Variants in SGCZ observed in about 807,000 individuals in gnomAD.
The protein encoded by SGCZ is zeta-sarcoglycan.
Under a neutral mutation model 41.3 loss-of-function variants are expected in SGCZ, and 40 were observed. The observed-to-expected ratio is 0.97, with a 90% CI of 0.75 to 1.26. The LOEUF is 1.26. Ranked by LOEUF, SGCZ falls within the 50% of genes most tolerant of loss-of-function variation. The pLI is 0.00. For missense variants in SGCZ, 552 were observed against 369.8 expected, an observed-to-expected ratio of 1.49 and a Z score of -4.04; for synonymous variants, 206 against 137.5, an observed-to-expected ratio of 1.50 and a Z score of -3.49.
intron 2 of SGCZ, among the ~76,000 whole-genome samples, chr8:14,334,503 A>T (rs1802443167): frequency 6.6e-6 from 1 of 152,072 alleles, no homozygotes; most frequent in Admixed American, 6.5e-5. Flanking sequence ...TGTTACATTT[A>T]TTGTATTATG....
intron 1 of SGCZ, among the ~76,000 whole-genome samples, chr8:15,230,820 T>C (rs896098347): frequency 1.3e-5 from 2 of 152,168 alleles, no homozygotes; most frequent in Non-Finnish European, 2.9e-5. Context: ...TCGAAGACAT[T>C]GGACAAATTC....
chr8:14,804,142 A>C (rs1256724171), intron 1 of SGCZ, among the ~76,000 whole-genome samples: 3 of 87,078 alleles, frequency 3.4e-5, no homozygotes, highest in Non-Finnish European at 6.4e-5. Context: ...AACAGAACAG[A>C]AAAACTGGAA....
intron 4 of SGCZ, among the ~76,000 whole-genome samples, chr8:14,195,429 C>T (rs1047084189): frequency 5.3e-5 from 8 of 152,128 alleles, no homozygotes; most frequent in Middle Eastern, 6.8e-3. Context: ...CAGCTGAGTT[C>T]ACGTACTTAG....
At chr8:15,233,851 C>T (rs904009952) in intron 1 of SGCZ, among the ~76,000 whole-genome samples, 1 of 151,988 alleles carries the variant, frequency 6.6e-6, no homozygotes, top group Non-Finnish European at 1.5e-5. Context: ...ACAATCCTGA[C>T]AGATAAATAA....
intron 1 of SGCZ, among the ~76,000 whole-genome samples, chr8:14,680,568 GA>G (rs67307968): frequency 0.2 from 30,264 of 151,648 alleles, 3,663 homozygotes; most frequent in East Asian, 0.44. Context: ...AAATCTCACA[GA>G]TATAATTAGT....
At chr8:14,468,773 T>A (rs1265602021) in intron 2 of SGCZ, among the ~76,000 whole-genome samples, 1 of 152,076 alleles carries the variant, frequency 6.6e-6, no homozygotes, top group African/African-American at 2.4e-5. Flanking sequence ...TCCATAAAAT[T>A]AGCCTGATGA....
intron 4 of SGCZ, among the ~76,000 whole-genome samples, chr8:14,231,861 T>G (rs1806582940): frequency 6.6e-6 from 1 of 152,110 alleles, no homozygotes; most frequent in Admixed American, 6.6e-5. Flanking sequence ...TGGTTACATT[T>G]CCTTTTACCC....
chr8:15,145,387 G>A (rs1799010253), intron 1 of SGCZ, among the ~76,000 whole-genome samples: 1 of 152,208 alleles, frequency 6.6e-6, no homozygotes, highest in Non-Finnish European at 1.5e-5. Context: ...TGAGGAAGGA[G>A]TGGGCTTTGT....
At chr8:14,401,990 T>G (rs1289371402) in intron 2 of SGCZ, among the ~76,000 whole-genome samples, 2 of 151,994 alleles carry the variant, frequency 1.3e-5, no homozygotes, top group Admixed American at 1.3e-4. Flanking sequence ...CTAACTGGTG[T>G]GGGATGGTAT....
intron 1 of SGCZ, among the ~76,000 whole-genome samples, chr8:14,900,666 A>G (rs1798943470): frequency 6.6e-6 from 1 of 152,222 alleles, no homozygotes; most frequent in Non-Finnish European, 1.5e-5. Context: ...ATTTCAATTC[A>G]GACATCAGTG....
chr8:15,188,012 T>C (rs113050658), intron 1 of SGCZ, among the ~76,000 whole-genome samples: 7 of 152,030 alleles, frequency 4.6e-5, no homozygotes, highest in African/African-American at 1.7e-4. Context: ...TTGAAACATA[T>C]ATGTAACAAC....
intron 2 of SGCZ, among the ~76,000 whole-genome samples, chr8:14,494,484 T>A (rs1322754986): frequency 6.6e-6 from 1 of 152,040 alleles, no homozygotes; most frequent in Middle Eastern, 3.2e-3. Context: ...GTTAATAAAG[T>A]TAAAGTTGAT....
chr8:14,796,350 C>A (rs116349453), intron 1 of SGCZ, among the ~76,000 whole-genome samples: 2,525 of 152,128 alleles, frequency 0.017, 29 homozygotes, highest in Middle Eastern at 0.037. Context: ...AACTCCTGGC[C>A]TCAAGTGATC....
intron 1 of SGCZ, among the ~76,000 whole-genome samples, chr8:14,789,924 T>A (rs1292895143): frequency 4.6e-5 from 7 of 152,182 alleles, no homozygotes. Context: ...CAGAGAATGT[T>A]TTCAATTTTT....
chr8:15,184,173 G>C (rs1403557132), intron 1 of SGCZ, among the ~76,000 whole-genome samples: 1 of 152,144 alleles, frequency 6.6e-6, no homozygotes, highest in Non-Finnish European at 1.5e-5. Flanking sequence ...TCATAAAAAT[G>C]AATTGTAATT....
intron 2 of SGCZ, among the ~76,000 whole-genome samples, chr8:14,534,941 A>C (rs2117135069): frequency 1.3e-5 from 2 of 152,106 alleles, no homozygotes; most frequent in Non-Finnish European, 2.9e-5. Flanking sequence ...TTCACACTTA[A>C]AGTTAAATCG....
chr8:14,819,227 G>C (rs1394790434), intron 1 of SGCZ, among the ~76,000 whole-genome samples: 1 of 152,136 alleles, frequency 6.6e-6, no homozygotes, highest in East Asian at 1.9e-4. Context: ...ACTATCAGAA[G>C]ATTGTGTAGC....
chr8:14,533,706 T>C (rs929026823), intron 2 of SGCZ, among the ~76,000 whole-genome samples: 9 of 151,998 alleles, frequency 5.9e-5, no homozygotes, highest in African/African-American at 2.2e-4. Context: ...TACTTTTACA[T>C]TATAATTTCT....
intron 2 of SGCZ, among the ~76,000 whole-genome samples, chr8:14,329,856 T>C (rs2117048109): frequency 7.0e-6 from 1 of 143,508 alleles, no homozygotes; most frequent in Admixed American, 7.0e-5. Flanking sequence ...TTGTTTGTAT[T>C]TGCTTTTTTT....
Sources: gnomAD v4.1 joint callset for allele counts (sites outside exome capture counted in the v4.1 genomes callset) on GRCh38, gnomAD v4.1.1 for gene constraint, MANE v1.5 for transcripts, NCBI Gene and HGNC (gene_info 2026-07-23, HGNC 2026-07-21) for gene names.